The following ACVR2B variants were observed in gnomAD, a reference collection of about 807,000 sequenced individuals.
The protein encoded by ACVR2B is activin receptor type-2B.
ACVR2B carries 18 observed loss-of-function variants against 65.1 expected under a neutral mutation model. The observed-to-expected ratio is 0.28, with a 90% CI of 0.19 to 0.41. The LOEUF (loss-of-function observed/expected upper bound fraction) is 0.41. Among genes scored for constraint, ACVR2B ranks in the 10% least tolerant of loss-of-function variants. ACVR2B has a pLI of 1.00. For synonymous variants in ACVR2B, 298 were observed against 277.7 expected, an observed-to-expected ratio of 1.07 and a Z score of -0.73; for missense variants, 482 against 682.7, an observed-to-expected ratio of 0.71 and a Z score of 3.28.
intron 1 of ACVR2B, among the ~76,000 whole-genome samples, chr3:38,455,078 G>A (rs984100235): frequency 6.6e-6 from 1 of 152,222 alleles, no homozygotes; most frequent in Non-Finnish European, 1.5e-5. Flanking sequence ...ACGTGGCGGG[G>A]TGGGTGACCA....
chr3:38,454,309 C>A lies in ACVR2B; in HGVS notation c.-14C>A. 7.8e-7 allele frequency: 1 copy of A among 1,281,144 alleles called. No homozygotes were observed. The highest frequency in any genetic ancestry group is 2.6e-5 in the South Asian group (1 of 38,740). 79.4% of individuals were successfully genotyped at this position (1,281,144 alleles called of 1,614,324 possible). A position where few individuals can be genotyped will look rare whatever the true frequency, so the allele number is the denominator to read the frequency against. On this transcript the variant is annotated 5_prime_UTR_variant, in exon 1 of 11. Coordinates refer to ENST00000352511, the MANE Select transcript of ACVR2B (RefSeq NM_001106.4). ...CCGCGGGCTCCGGGTGTGCGCGGGG[C>A]GGCGCCGCGGAACATGACGGCGCCC... is the stretch of plus-strand genomic sequence containing the variant.
intron 1 of ACVR2B, among the ~76,000 whole-genome samples, chr3:38,463,378 T>TG (rs1335643298): frequency 6.6e-6 from 1 of 152,200 alleles, no homozygotes; most frequent in Non-Finnish European, 1.5e-5. Context: ...ATAATGACGT[T>TG]GGGGGTATTG....
chr3:38,477,160 G>T lies in ACVR2B; in HGVS notation c.53-127G>T. 9.7e-7 allele frequency: 1 copy of T among 1,033,278 alleles called. No homozygotes were observed. Among genetic ancestry groups the T allele is most frequent in the South Asian group, 1.5e-5 (1 of 68,674 alleles). The allele number at this position is 1,033,278 out of a possible 1,614,324, so 64.0% of individuals were successfully genotyped here. On this transcript the variant is annotated intron_variant, in intron 1 of 10. Coordinates refer to ENST00000352511, the MANE Select transcript of ACVR2B (RefSeq NM_001106.4). This position sits in a 1 kb window ranked among gnomAD's most constrained non-coding sequence, Gnocchi z 6.7. ...CTACGTCCAGGGGTGAGTGCAGGAG[G>T]TTGGTGACCCCAACCCACCACCCGG... is the stretch of plus-strand genomic sequence containing the variant.
chr3:38,463,106 T>TGTCTCCTACCTTGTGCCTGA, intron 1 of ACVR2B, among the ~76,000 whole-genome samples: 1 of 152,190 alleles, frequency 6.6e-6, no homozygotes, highest in Non-Finnish European at 1.5e-5. Context: ...CTCGTGCCTG[T>TGTCTCCTACCTTGTGCCTGA]GTCTCCTACC....
chr3:38,467,936 G>A (rs1055406852), intron 1 of ACVR2B, among the ~76,000 whole-genome samples: 6 of 152,016 alleles, frequency 3.9e-5, no homozygotes, highest in Non-Finnish European at 7.4e-5. Flanking sequence ...GGAGTGCAGC[G>A]GTGCAATCTC....
rs1710127430 is a variant in ACVR2B at position 38,486,673 on chromosome 3, G to A, written c.*3341G>A. 2 of 152,258 alleles carry A rather than the reference G, an allele frequency of 1.3e-5. No homozygotes were observed. The highest frequency in any genetic ancestry group is 4.2e-4 in the South Asian group (2 of 4,818). The allele number at this position is 152,258 out of a possible 1,614,324, so 9.4% of individuals were successfully genotyped here. On this transcript the variant is annotated 3_prime_UTR_variant, in exon 11 of 11. Transcript: ENST00000352511. The stretch of plus-strand genomic sequence containing the variant: ...GGCTGTTCCATGCAGGGTGGGAGGG[G>A]ACCAAGTTAGCAGAGAGTAGCCAAG...
At position 38,454,241 on chromosome 3, in the gene ACVR2B, G is replaced by A. The variant is rs982971623; in HGVS notation, c.-82G>A. On this transcript the variant is annotated 5_prime_UTR_variant, in exon 1 of 11. Coordinates refer to ENST00000352511, the MANE Select transcript of ACVR2B (RefSeq NM_001106.4). ...AAGGAGCGGGAAGGAGAGCGCAGCC[G>A]CCGCCTGGCCCTGCGCGCCCCGGGA... The A allele has an allele frequency of 4.8e-6, 5 of 1,041,064 alleles. No individual in the cohort carries two copies. The highest frequency in any genetic ancestry group is 4.8e-5 in the Admixed American group (1 of 20,948). 64.5% of individuals were successfully genotyped at this position (1,041,064 alleles called of 1,614,324 possible).
rs1452581357 is a variant in ACVR2B at position 38,492,961 on chromosome 3, A to C, written c.*9629A>C. 1 of 152,524 alleles carries C rather than the reference A, an allele frequency of 6.6e-6. No individual in the cohort carries two copies. The allele number at this position is 152,524 out of a possible 1,614,324, so 9.4% of individuals were successfully genotyped here. On this transcript the variant is annotated 3_prime_UTR_variant, in exon 11 of 11. Coordinates refer to ENST00000352511, the MANE Select transcript of ACVR2B (RefSeq NM_001106.4). ...AGAAATGAGTGTCAAGTTTGAAATTAGATCTGCTAAGTTGGGGTTTTGCTG... is the reference window on the plus strand; with the variant it reads ...AGAAATGAGTGTCAAGTTTGAAATTCGATCTGCTAAGTTGGGGTTTTGCTG...
At position 38,454,086 on chromosome 3, in the gene ACVR2B, C is replaced by A. The variant is rs1709497980; in HGVS notation, c.-237C>A. The A allele has an allele frequency of 6.6e-6, 1 of 152,398 alleles. No homozygotes were observed. Among genetic ancestry groups the A allele is most frequent in the Non-Finnish European group, 1.4e-5 (1 of 70,398 alleles). The allele number at this position is 152,398 out of a possible 1,614,324, so 9.4% of individuals were successfully genotyped here. ...CCGCCGCCCCCCGGCCCCCGCGTCG[C>A]CCCGGAGCCCGGGCCGCAGCCTGCG... On this transcript the variant is annotated 5_prime_UTR_variant, in exon 1 of 11. Coordinates refer to ENST00000352511, the MANE Select transcript of ACVR2B (RefSeq NM_001106.4).
Position 38,481,485 on chromosome 3 carries a change from A to G in ACVR2B, c.1074+20A>G. ...GGACAGGTAACAGGCCTCACAGGGC[A>G]GGAAGAGAGGGACAGACCCAGGGTA... On this transcript the variant is annotated intron_variant, in intron 8 of 10. Transcript: ENST00000352511. The surrounding 1 kb of genome is among the most constrained non-coding windows in gnomAD (Gnocchi z 4.7). 1.3e-6 allele frequency: 2 copies of G among 1,598,176 alleles called. No homozygotes were observed. The highest frequency in any genetic ancestry group is 1.1e-5 in the South Asian group (1 of 90,740).
Position 38,478,518 on chromosome 3 carries a change from G to A in ACVR2B, c.666G>A (p.Gln222=). Residue 222 remains glutamine, a splice_region_variant and synonymous_variant, in exon 5 of 11, where the codon CAG becomes CAA. Coordinates refer to ENST00000352511, the MANE Select transcript of ACVR2B (RefSeq NM_001106.4). ...TAGCTGTCAAGATCTTCCCACTCCAGGTGAGTGTTTGAGGGGCTCCATCCA... is the reference window on the plus strand; with the variant it reads ...TAGCTGTCAAGATCTTCCCACTCCAAGTGAGTGTTTGAGGGGCTCCATCCA... ...DFVAVKIFPL[Q]DKQSWQSERE... 6.2e-7 allele frequency: 1 copy of A among 1,614,104 alleles called. No individual in the cohort carries two copies. Among genetic ancestry groups the A allele is most frequent in the Non-Finnish European group, 8.5e-7 (1 of 1,180,014 alleles).
intron 1 of ACVR2B, among the ~76,000 whole-genome samples, chr3:38,456,071 G>C (rs1365415598): frequency 6.6e-6 from 1 of 152,230 alleles, no homozygotes; most frequent in East Asian, 1.9e-4. Flanking sequence ...CAGACCCCTG[G>C]AAGGACTGTA....
rs1213220493 is a variant in ACVR2B at position 38,488,315 on chromosome 3, A to G, written c.*4983A>G. Reference sequence around the variant, plus strand: ...CATAGTTCTTTAAGTAAGATTCCAGATAGTTGATTTGCAACCAGCAGTCTA... The same window carrying G: ...CATAGTTCTTTAAGTAAGATTCCAGGTAGTTGATTTGCAACCAGCAGTCTA... On this transcript the variant is annotated 3_prime_UTR_variant, in exon 11 of 11. Transcript: ENST00000352511. 6.6e-6 allele frequency: 1 copy of G among 152,238 alleles called. No homozygotes were observed. Among genetic ancestry groups the G allele is most frequent in the Admixed American group, 6.5e-5 (1 of 15,282 alleles). The allele number at this position is 152,238 out of a possible 1,614,324, so 9.4% of individuals were successfully genotyped here.
At position 38,482,284 on chromosome 3, in the gene ACVR2B, T is replaced by C; in HGVS notation, c.1161T>C (p.Tyr387=). ...ATGCCTTCCTGCGCATTGACATGTATGCCATGGGGTTGGTGCTGTGGGAGC... is the reference window on the plus strand; with the variant it reads ...ATGCCTTCCTGCGCATTGACATGTACGCCATGGGGTTGGTGCTGTGGGAGC... The part of the protein sequence containing the change: ...QRDAFLRIDM[Y]AMGLVLWELV... Residue 387 remains tyrosine, a synonymous_variant, in exon 9 of 11, where the codon TAT becomes TAC. Transcript: ENST00000352511. 6 of 1,612,814 alleles carry C rather than the reference T, an allele frequency of 3.7e-6. No homozygotes were observed. Among genetic ancestry groups the C allele is most frequent in the Non-Finnish European group, 5.1e-6 (6 of 1,179,796 alleles).
rs983553659 is a variant in ACVR2B at position 38,477,818 on chromosome 3, C to T, written c.261-43C>T. 16 of 1,578,140 alleles carry T rather than the reference C, an allele frequency of 1.0e-5. No homozygotes were observed. Among genetic ancestry groups the T allele is most frequent in the Non-Finnish European group, 1.4e-5 (16 of 1,147,374 alleles). ...GCAGGGCAGGCCTGGGGGAGTCTTG[C>T]ATCCCCCAGGTGAGGGGTATATGGA... On this transcript the variant is annotated intron_variant, in intron 2 of 10. Transcript: ENST00000352511. The surrounding 1 kb of genome is among the most constrained non-coding windows in gnomAD (Gnocchi z 6.7).
chr3:38,488,596 C>G lies in ACVR2B; in HGVS notation c.*5264C>G, dbSNP rs191823241. On this transcript the variant is annotated 3_prime_UTR_variant, in exon 11 of 11. Coordinates refer to ENST00000352511, the MANE Select transcript of ACVR2B (RefSeq NM_001106.4). ...AAAGAATTTGAATTTAAAGAATTTACCATTATTTAAATTATTACCAAGTTT... is the reference window on the plus strand; with the variant it reads ...AAAGAATTTGAATTTAAAGAATTTAGCATTATTTAAATTATTACCAAGTTT... The G allele has an allele frequency of 2.2e-4, 34 of 152,194 alleles. No homozygotes were observed. Among genetic ancestry groups the G allele is most frequent in the Non-Finnish European group, 1.3e-4 (9 of 68,014 alleles). 9.4% of individuals were successfully genotyped at this position (152,194 alleles called of 1,614,324 possible). A position where few individuals can be genotyped will look rare whatever the true frequency, so the allele number is the denominator to read the frequency against.
At chr3:38,469,406 C>T (rs1169566639) in intron 1 of ACVR2B, among the ~76,000 whole-genome samples, 1 of 152,094 alleles carries the variant, frequency 6.6e-6, no homozygotes, top group African/African-American at 2.4e-5. Context: ...GAGGCCTTTG[C>T]ATGGCTTCAG....
At chr3:38,461,896 A>G (rs1575579099) in intron 1 of ACVR2B, among the ~76,000 whole-genome samples, 1 of 152,292 alleles carries the variant, frequency 6.6e-6, no homozygotes, top group East Asian at 1.9e-4. Flanking sequence ...TACTTATAGA[A>G]ATAGAGAGGC....
At chr3:38,474,524 A>T (rs1419891102) in intron 1 of ACVR2B, 1 of 152,230 alleles carries the variant, frequency 6.6e-6, no homozygotes. Context: ...GTTTGGAATG[A>T]TTCTGCCACT....
Sources: gnomAD v4.1 joint callset for allele counts (sites outside exome capture counted in the v4.1 genomes callset) on GRCh38, gnomAD v4.1.1 for gene constraint, Gnocchi (gnomAD v3.1) non-coding constraint, MANE v1.5 for transcripts, NCBI Gene and HGNC (gene_info 2026-07-23, HGNC 2026-07-21) for gene names.